Variants in RNF216 observed in about 807,000 individuals in gnomAD.
RNF216 encodes ring finger protein 216.
RNF216 carries 72 observed loss-of-function variants against 110.8 expected under a neutral mutation model. The ratio of observed to expected loss-of-function variants is 0.65; its 90% CI spans 0.54 to 0.79. RNF216 has a LOEUF of 0.79. Among genes scored for constraint, RNF216 ranks in the 30% least tolerant of loss-of-function variants. RNF216 has a pLI of 0.00. For missense variants in RNF216, 1,342 were observed against 1,141.2 expected (o/e 1.18, Z -2.54); for synonymous variants, 495 against 407.5 (o/e 1.21, Z -2.59).
At position 5,746,631 on chromosome 7, in the gene RNF216, G is replaced by A. The variant is rs116486709; in HGVS notation, c.202-4816C>T. Among the ~76,000 whole-genome samples the A allele has an allele frequency of 8.7e-3, 1,317 of 152,252 alleles. 7 individuals carry two copies. Among genetic ancestry groups the A allele is most frequent in the Middle Eastern group, 0.024 (7 of 294 alleles). ...CTAGGTAGGACATCTTGGAGCCAAC[G>A]TCATCCCGGTCCTGAGATATACAAG... On this transcript the variant is annotated intron_variant, in intron 3 of 16. Transcript: ENST00000389902.
intron 1 of RNF216, among the ~76,000 whole-genome samples, chr7:5,780,574 G>T (rs1212833343): frequency 6.6e-6 from 1 of 152,044 alleles, no homozygotes; most frequent in Non-Finnish European, 1.5e-5. Context: ...GCAAATGCCT[G>T]TAATCCCAGC....
chr7:5,666,700 A>G (rs1243263149), intron 13 of RNF216: 1 of 152,148 alleles, frequency 6.6e-6, no homozygotes, highest in Non-Finnish European at 1.5e-5. Flanking sequence ...CGAGCTTCTC[A>G]CAGCCTGGAA....
In RNF216 at chr7:5,749,216, T is replaced by C. The variant is rs536597595; in HGVS notation, c.201+3630A>G. Among the ~76,000 whole-genome samples, 391 of 151,140 alleles carry C rather than the reference T, an allele frequency of 2.6e-3. 3 individuals carry two copies. Among genetic ancestry groups the C allele is most frequent in the African/African-American group, 8.9e-3 (367 of 41,204 alleles). ...TACAGGCTAGAGTGCAGTGGCGTGA[T>C]CTTGGCTCACTGCAACCTCCATCTC... On this transcript the variant is annotated intron_variant, in intron 3 of 16. Transcript: ENST00000389902.
intron 13 of RNF216, among the ~76,000 whole-genome samples, chr7:5,652,867 T>G (rs766404300): frequency 6.6e-6 from 1 of 152,118 alleles, no homozygotes; most frequent in Non-Finnish European, 1.5e-5. Context: ...GAAAAATTTC[T>G]CTCCCTAGAT....
intron 1 of RNF216, chr7:5,775,298 T>G (rs901686400): frequency 6.6e-6 from 1 of 152,198 alleles, no homozygotes; most frequent in African/African-American, 2.4e-5. Context: ...CACCCAATTT[T>G]CTGGTTTTCA....
At chr7:5,664,401 T>C (rs1244942562) in intron 13 of RNF216, among the ~76,000 whole-genome samples, 1 of 152,204 alleles carries the variant, frequency 6.6e-6, no homozygotes, top group African/African-American at 2.4e-5. Context: ...AAACAGCAGT[T>C]ATTACCAAGC....
rs1366910026 is a variant in RNF216 at position 5,646,861 on chromosome 7, C to G, written c.2160-5485G>C. Among the ~76,000 whole-genome samples, 3 of 152,102 alleles carry G rather than the reference C, an allele frequency of 2.0e-5. No homozygotes were observed. The East Asian group carries it at 5.8e-4, about 29-fold the overall frequency. Reference sequence around the variant, plus strand: ...TTGGAGTACTCTGAGTTGACTCAGCCAGGTCATCTGTAACTTTCTTAGTTT... The same window carrying G: ...TTGGAGTACTCTGAGTTGACTCAGCGAGGTCATCTGTAACTTTCTTAGTTT... On this transcript the variant is annotated intron_variant, in intron 14 of 16. Coordinates refer to ENST00000389902, the MANE Select transcript of RNF216 (RefSeq NM_207111.4).
At chr7:5,755,369 T>A (rs11977543) in intron 2 of RNF216, among the ~76,000 whole-genome samples, 1 of 151,898 alleles carries the variant, frequency 6.6e-6, no homozygotes, top group Non-Finnish European at 1.5e-5. Context: ...TAAAAAAAAA[T>A]TGAAAGAATA....
chr7:5,708,737 G>T (rs1447470856), intron 13 of RNF216, among the ~76,000 whole-genome samples: 1 of 152,122 alleles, frequency 6.6e-6, no homozygotes, highest in African/African-American at 2.4e-5. Flanking sequence ...GCTGTAAGCT[G>T]CCCAGCTCTT....
rs1786394732 is a variant in RNF216, at chr7:5,621,986, TAAG to T, written c.*871_*873del. On this transcript the variant is annotated 3_prime_UTR_variant, in exon 17 of 17. Transcript: ENST00000389902. Reference sequence around the variant, plus strand: ...TGGCACCCAGGGTCACCTGTCTCCCTAAGGAGGCCCACTCCTCCCCCAGAAAGC... The same window carrying T: ...TGGCACCCAGGGTCACCTGTCTCCCTGAGGCCCACTCCTCCCCCAGAAAGC... 1.3e-5 allele frequency: 2 copies of T among 151,784 alleles called. No individual in the cohort carries two copies. Among genetic ancestry groups the T allele is most frequent in the East Asian group, 2.0e-4 (1 of 5,104 alleles). The allele number at this position is 151,784 out of a possible 1,614,324, so 9.4% of individuals were successfully genotyped here.
At chr7:5,700,912 A>T (rs1030630383) in intron 13 of RNF216, among the ~76,000 whole-genome samples, 1 of 152,140 alleles carries the variant, frequency 6.6e-6, no homozygotes, top group Non-Finnish European at 1.5e-5. Flanking sequence ...TCTCCACTGC[A>T]ACTAATTTGG....
At position 5,624,474 on chromosome 7, in the gene RNF216, G is replaced by A. The variant is rs1437003989; in HGVS notation, c.2383-349C>T. Among the ~76,000 whole-genome samples the A allele has an allele frequency of 1.3e-5, 2 of 152,248 alleles. No homozygotes were observed. Among genetic ancestry groups the A allele is most frequent in the East Asian group, 3.9e-4 (2 of 5,190 alleles). On this transcript the variant is annotated intron_variant, in intron 15 of 16. Transcript: ENST00000389902. This position sits in a 1 kb window ranked among gnomAD's most constrained non-coding sequence, Gnocchi z 4.4. The stretch of plus-strand genomic sequence containing the variant: ...TTTGGAGAGGGCTGGGTCTGAGTGG[G>A]CACAGCCTGAAAAGTTTCAGATCCC...
intron 13 of RNF216, among the ~76,000 whole-genome samples, chr7:5,695,935 C>T (rs1301870689): frequency 2.0e-5 from 3 of 152,292 alleles, no homozygotes; most frequent in South Asian, 4.1e-4. Context: ...ACATGTTTCC[C>T]GTCAGAACGC....
chr7:5,708,511 T>A (rs1470571481), intron 13 of RNF216, among the ~76,000 whole-genome samples: 1 of 152,226 alleles, frequency 6.6e-6, no homozygotes, highest in African/African-American at 2.4e-5. Context: ...GTAATTCAAG[T>A]ACCCATACAA....
intron 5 of RNF216, among the ~76,000 whole-genome samples, chr7:5,738,491 G>A (rs1338308595): frequency 1.3e-5 from 2 of 152,008 alleles, no homozygotes; most frequent in Non-Finnish European, 2.9e-5. Context: ...GGTGGATCAC[G>A]AGGTCAGGAG....
intron 9 of RNF216, among the ~76,000 whole-genome samples, chr7:5,718,342 C>T (rs958440767): frequency 6.6e-6 from 1 of 152,168 alleles, no homozygotes; most frequent in Admixed American, 6.5e-5. Context: ...GATCCTGCCA[C>T]TGCACTCCAG....
In RNF216 at chr7:5,725,548, T is replaced by A. The variant is rs564629138; in HGVS notation, c.1390-110A>T. On this transcript the variant is annotated intron_variant, in intron 7 of 16. Coordinates refer to ENST00000389902, the MANE Select transcript of RNF216 (RefSeq NM_207111.4). ...CACAGTTTCAGCTGTCTACCCAGCATGGCTAACAATTGGTAGTGGCAGCTG... is the reference window on the plus strand; with the variant it reads ...CACAGTTTCAGCTGTCTACCCAGCAAGGCTAACAATTGGTAGTGGCAGCTG... The A allele has an allele frequency of 3.1e-5, 21 of 687,338 alleles. No individual in the cohort carries two copies. The East Asian group carries it at 5.4e-4, about 18-fold the overall frequency. The allele number at this position is 687,338 out of a possible 1,614,324, so 42.6% of individuals were successfully genotyped here.
chr7:5,778,688 C>G (rs917239970), intron 1 of RNF216, among the ~76,000 whole-genome samples: 4 of 152,234 alleles, frequency 2.6e-5, no homozygotes, highest in African/African-American at 7.2e-5. Flanking sequence ...AAGTTCCACG[C>G]TGACCCTTAC....
chr7:5,697,904 G>C (rs183314440), intron 13 of RNF216, among the ~76,000 whole-genome samples: 60 of 152,246 alleles, frequency 3.9e-4, no homozygotes, highest in African/African-American at 5.5e-4. Flanking sequence ...ACAGAGCAGG[G>C]GAGAGAAGGG....
Sources: gnomAD v4.1 joint callset for allele counts (sites outside exome capture counted in the v4.1 genomes callset) on GRCh38, gnomAD v4.1.1 for gene constraint, Gnocchi (gnomAD v3.1) non-coding constraint, MANE v1.5 for transcripts, NCBI Gene and HGNC (gene_info 2026-07-23, HGNC 2026-07-21) for gene names.